The following CEP162 variants were observed in gnomAD, a reference collection of about 807,000 sequenced individuals.
CEP162 encodes centrosomal protein 162, also known as centrosomal protein of 162 kDa.
CEP162 carries 141 observed loss-of-function variants against 169.2 expected under a neutral mutation model. The ratio of observed to expected loss-of-function variants is 0.83; its 90% CI spans 0.73 to 0.96. The LOEUF is 0.96. Among genes scored for constraint, CEP162 ranks in the 40% least tolerant of loss-of-function variants. The pLI, the probability that CEP162 is intolerant of heterozygous loss-of-function variation, is 0.00. For synonymous variants in CEP162, 540 were observed against 526.4 expected (o/e 1.03, Z -0.35); for missense variants, 1,600 against 1,587.2 (o/e 1.01, Z -0.14).
intron 6 of CEP162, among the ~76,000 whole-genome samples, chr6:84,207,215 TGG>T (rs1313712981): frequency 6.6e-6 from 1 of 152,224 alleles, no homozygotes; most frequent in Admixed American, 6.5e-5. Context: ...ATCCCATTAC[TGG>T]GTATATACCC....
At position 84,194,921 on chromosome 6, in the gene CEP162, A is replaced by G. The variant is rs1225903484; in HGVS notation, c.990T>C (p.Asn330=). 1 of 1,611,396 alleles carries G rather than the reference A, an allele frequency of 6.2e-7. No individual in the cohort carries two copies. Among genetic ancestry groups the G allele is most frequent in the African/African-American group, 1.3e-5 (1 of 74,750 alleles). ...KSSVKGHPQE[N]EENSKNISTM... ...TAGAGATGTTTTTTGAATTCTCTTC[A>G]TTTTCTTGAGGATGACCTTTCACTG... The change falls in exon 10 of 27, where the codon AAT becomes AAC. Residue 330 remains asparagine, a synonymous_variant. Transcript: ENST00000403245.
intron 21 of CEP162, among the ~76,000 whole-genome samples, chr6:84,157,327 G>T (rs1022031351): frequency 6.6e-6 from 1 of 152,044 alleles, no homozygotes; most frequent in East Asian, 1.9e-4. Context: ...AAAGTATATT[G>T]TCTAATTACC....
chr6:84,159,333 TC>T (rs2099524511), intron 21 of CEP162, among the ~76,000 whole-genome samples: 1 of 150,264 alleles, frequency 6.7e-6, no homozygotes, highest in African/African-American at 2.4e-5. Flanking sequence ...CAATATGGAT[TC>T]AATTCTACAT....
chr6:84,192,178 A>C (rs1021809753), intron 11 of CEP162, among the ~76,000 whole-genome samples: 1 of 152,232 alleles, frequency 6.6e-6, no homozygotes, highest in African/African-American at 2.4e-5. Context: ...ATTATGTTAT[A>C]GCAGCTAGGG....
intron 18 of CEP162, among the ~76,000 whole-genome samples, chr6:84,163,871 A>G (rs1403513465): frequency 6.6e-6 from 1 of 152,086 alleles, no homozygotes; most frequent in East Asian, 1.9e-4. Context: ...ATTAAACTAA[A>G]GAGCTTCTGC....
intron 9 of CEP162, among the ~76,000 whole-genome samples, chr6:84,195,930 AT>A: frequency 6.6e-6 from 1 of 152,298 alleles, no homozygotes; most frequent in Non-Finnish European, 1.5e-5. Flanking sequence ...AGACATCTAG[AT>A]TGCTCTATAT....
chr6:84,137,100 A>T (rs1422020655), intron 25 of CEP162, among the ~76,000 whole-genome samples: 1 of 152,184 alleles, frequency 6.6e-6, no homozygotes, highest in African/African-American at 2.4e-5. Flanking sequence ...TAAGAGTCAT[A>T]CCTGGCAGGT....
At chr6:84,137,196 T>C (rs958776737) in intron 25 of CEP162, among the ~76,000 whole-genome samples, 4 of 152,216 alleles carry the variant, frequency 2.6e-5, no homozygotes, top group African/African-American at 7.2e-5. Context: ...ATGACTTGCA[T>C]TGAAGAGAAA....
rs779413417 is a variant in CEP162, at chr6:84,215,339, G to C, written c.446C>G (p.Ser149Trp). ...AGAATCCAATTCCTTATTTAATCTC[G>C]AATAATCAATGGAAGATGTCAAGCC... ...EKGLTSSIDYSRLNKELDSND... is the reference protein window; with the variant it reads ...EKGLTSSIDYWRLNKELDSND... Residue 149 changes from serine (S) to tryptophan (W), a missense_variant, in exon 5 of 27, where the codon TCG (serine) becomes TGG (tryptophan). By Grantham distance (177) the Ser-to-Trp change is radical. Transcript: ENST00000403245. 1 of 1,602,220 alleles carries C rather than the reference G, an allele frequency of 6.2e-7. No homozygotes were observed. The highest frequency in any genetic ancestry group is 1.3e-5 in the African/African-American group (1 of 74,798).
chr6:84,155,700 G>T, intron 21 of CEP162, 190 bp from the exon 22 acceptor site: 1 of 549,624 alleles, frequency 1.8e-6, no homozygotes, highest in Non-Finnish European at 3.2e-6. Flanking sequence ...ATGTTTGCCA[G>T]GAGAACTACA....
At chr6:84,154,322 A>G (rs76368323) in intron 22 of CEP162, among the ~76,000 whole-genome samples, 7,367 of 134,644 alleles carry the variant, frequency 0.055, 222 homozygotes, top group Admixed American at 0.089. Context: ...ATATCTATCT[A>G]TCTATCTATC....
chr6:84,224,807 G>T (rs75993585), intron 2 of CEP162, among the ~76,000 whole-genome samples: 1 of 151,854 alleles, frequency 6.6e-6, no homozygotes, highest in Admixed American at 6.6e-5. Context: ...GGTAAATGAG[G>T]GAAGAATAAA....
At chr6:84,223,224 G>A (rs1278061242) in intron 2 of CEP162, among the ~76,000 whole-genome samples, 1 of 152,152 alleles carries the variant, frequency 6.6e-6, no homozygotes, top group Non-Finnish European at 1.5e-5. Context: ...AAACAGGCCG[G>A]GCGTGGTGGC....
chr6:84,215,545 T>C (rs2099551225), intron 4 of CEP162, 80 bp from the exon 5 acceptor site: 1 of 1,253,516 alleles, frequency 8.0e-7, no homozygotes, highest in Non-Finnish European at 1.1e-6. Context: ...TTATTGACAT[T>C]ATGTAGTAAA....
chr6:84,153,913 A>C (rs1032498534), intron 22 of CEP162, among the ~76,000 whole-genome samples: 24 of 152,136 alleles, frequency 1.6e-4, no homozygotes, highest in Admixed American at 9.2e-4. Context: ...AGTGCAGAGG[A>C]GGCGACGCTG....
intron 19 of CEP162, among the ~76,000 whole-genome samples, chr6:84,162,775 C>A (rs2099526292): frequency 6.6e-6 from 1 of 152,124 alleles, no homozygotes; most frequent in Non-Finnish European, 1.5e-5. Context: ...CTTTATAAAA[C>A]CCAGTGCACT....
In CEP162 at chr6:84,201,863, T is replaced by A. The variant is rs950414498; in HGVS notation, c.688-96A>T. 141 of 637,776 alleles carry A rather than the reference T, an allele frequency of 2.2e-4. 2 individuals carry two copies. In the South Asian group the frequency reaches 2.7e-3, roughly 12 times the overall value. The allele number at this position is 637,776 out of a possible 1,614,324, so 39.5% of individuals were successfully genotyped here. On this transcript the variant is annotated intron_variant, in intron 7 of 26. Transcript: ENST00000403245. ...ATAGCAAAATCTGAAATCCAGGGCT[T>A]TTTATTCCACATTGAAACGATCAGG...
chr6:84,210,284 T>C (rs887992767), intron 6 of CEP162, among the ~76,000 whole-genome samples: 3 of 152,240 alleles, frequency 2.0e-5, no homozygotes, highest in African/African-American at 7.2e-5. Flanking sequence ...GGAAGACATT[T>C]TTCATCTTTT....
chr6:84,174,209 T>G (rs776127997), intron 15 of CEP162, 21 bp from the exon 16 acceptor site: 1 of 1,586,262 alleles, frequency 6.3e-7, no homozygotes, highest in Non-Finnish European at 8.6e-7. Context: ...TTGCAGAAAT[T>G]GTTTTATTTG....
Sources: allele counts gnomAD v4.1 joint callset (sites outside exome capture counted in the v4.1 genomes callset), GRCh38; gene constraint gnomAD v4.1.1; transcripts MANE v1.5; gene names NCBI Gene and HGNC (gene_info 2026-07-23, HGNC 2026-07-21).